The following ATG10 variants were observed in gnomAD, a reference collection of about 807,000 sequenced individuals.
ATG10 encodes ubiquitin-like-conjugating enzyme ATG10.
ATG10 carries 30 observed loss-of-function variants against 32.1 expected under a neutral mutation model. The observed-to-expected ratio is 0.94, with a 90% CI of 0.70 to 1.27. The LOEUF is 1.27. ATG10 is among the 50% of genes most tolerant of loss of function. The probability of loss-of-function intolerance (pLI) is 0.00; values close to 1 mark genes in which losing one functional copy is unlikely to be tolerated. For missense variants in ATG10, 233 were observed against 262.3 expected, an observed-to-expected ratio of 0.89 and a Z score of 0.77; for synonymous variants, 87 against 91.5, an observed-to-expected ratio of 0.95 and a Z score of 0.28.
At chr5:82,086,347 T>G (rs995675097) in intron 3 of ATG10, among the ~76,000 whole-genome samples, 4 of 152,158 alleles carry the variant, frequency 2.6e-5, no homozygotes, top group Non-Finnish European at 4.4e-5. Context: ...AATTTAAAAT[T>G]ACAATAAAAT....
At chr5:81,981,905 A>G (rs1300975098) in intron 1 of ATG10, among the ~76,000 whole-genome samples, 1 of 152,266 alleles carries the variant, frequency 6.6e-6, no homozygotes, top group Non-Finnish European at 1.5e-5. Flanking sequence ...CAGTGTTAGA[A>G]TTCACTAAGG....
chr5:82,049,099 G>A (rs554804829), intron 2 of ATG10, among the ~76,000 whole-genome samples: 50 of 151,472 alleles, frequency 3.3e-4, no homozygotes, highest in African/African-American at 4.6e-4. Context: ...ACATGCACAC[G>A]TATGTTTCTT....
chr5:81,980,757 C>T (rs920837151), intron 1 of ATG10, among the ~76,000 whole-genome samples: 1 of 151,986 alleles, frequency 6.6e-6, no homozygotes, highest in African/African-American at 2.4e-5. Flanking sequence ...CAGTGCACCT[C>T]AGGGCTTTAC....
intron 3 of ATG10, among the ~76,000 whole-genome samples, chr5:82,159,066 T>A (rs1026666091): frequency 7.2e-5 from 11 of 152,178 alleles, no homozygotes; most frequent in African/African-American, 2.7e-4. Flanking sequence ...ATTTCCAGTA[T>A]CACTACCCTT....
At chr5:82,014,216 T>C (rs952902465) in intron 2 of ATG10, among the ~76,000 whole-genome samples, 3 of 152,226 alleles carry the variant, frequency 2.0e-5, no homozygotes, top group African/African-American at 7.2e-5. Flanking sequence ...ATTTGTGTTC[T>C]TTTACATTTG....
At chr5:82,019,609 AG>A (rs1762383147) in intron 2 of ATG10, among the ~76,000 whole-genome samples, 1 of 152,182 alleles carries the variant, frequency 6.6e-6, no homozygotes, top group Non-Finnish European at 1.5e-5. Flanking sequence ...GCAAAGGGGG[AG>A]TGCAGTGTTC....
chr5:82,034,802 A>C (rs1762859473), intron 2 of ATG10, among the ~76,000 whole-genome samples: 1 of 152,174 alleles, frequency 6.6e-6, no homozygotes. Flanking sequence ...ATCTGTGCTC[A>C]AATGGCACCT....
intron 3 of ATG10, among the ~76,000 whole-genome samples, chr5:82,089,916 T>C (rs1182685833): frequency 6.6e-6 from 1 of 151,776 alleles, no homozygotes; most frequent in Non-Finnish European, 1.5e-5. Flanking sequence ...AACAGTCCAA[T>C]AGAAAAATGA....
chr5:82,041,136 T>C (rs142709537), intron 2 of ATG10, among the ~76,000 whole-genome samples: 1 of 152,344 alleles, frequency 6.6e-6, no homozygotes, highest in Admixed American at 6.5e-5. Flanking sequence ...ACTTCAACTT[T>C]ACTTATTATC....
chr5:82,139,301 C>G (rs1200255241), intron 3 of ATG10, among the ~76,000 whole-genome samples: 2 of 150,520 alleles, frequency 1.3e-5, no homozygotes, highest in Non-Finnish European at 3.0e-5. Flanking sequence ...GCCTGGCCGC[C>G]CATTGTCTGG....
chr5:82,167,233 C>T (rs1365164277), intron 4 of ATG10, among the ~76,000 whole-genome samples: 1 of 152,052 alleles, frequency 6.6e-6, no homozygotes, highest in Non-Finnish European at 1.5e-5. Context: ...ACAATTTGTA[C>T]TATAGCAGAA....
At chr5:82,210,913 G>T (rs1161603256) in intron 5 of ATG10, among the ~76,000 whole-genome samples, 1 of 152,160 alleles carries the variant, frequency 6.6e-6, no homozygotes, top group Non-Finnish European at 1.5e-5. Flanking sequence ...AGTTAATATA[G>T]TTTCTATCTT....
chr5:81,991,330 A>G (rs1233671575), intron 2 of ATG10, among the ~76,000 whole-genome samples: 1 of 151,982 alleles, frequency 6.6e-6, no homozygotes, highest in Non-Finnish European at 1.5e-5. Flanking sequence ...TTTTTTTTAA[A>G]TTGTTGTATT....
At chr5:82,041,744 A>G (rs1265746090) in intron 2 of ATG10, among the ~76,000 whole-genome samples, 1 of 152,090 alleles carries the variant, frequency 6.6e-6, no homozygotes, top group Non-Finnish European at 1.5e-5. Context: ...AACTCCAATT[A>G]CATGTTTTTT....
intron 2 of ATG10, among the ~76,000 whole-genome samples, chr5:82,018,623 C>T (rs957726564): frequency 2.0e-5 from 3 of 152,180 alleles, no homozygotes; most frequent in African/African-American, 7.2e-5. Flanking sequence ...CCTTGCTGTT[C>T]TTTAAACACT....
At chr5:82,125,432 T>C (rs1042193445) in intron 3 of ATG10, among the ~76,000 whole-genome samples, 33 of 152,008 alleles carry the variant, frequency 2.2e-4, no homozygotes, top group East Asian at 1.9e-3. Context: ...CTTTAATCCA[T>C]CTTGAGTTAA....
At chr5:82,084,985 T>G (rs1221863910) in intron 3 of ATG10, among the ~76,000 whole-genome samples, 5 of 152,038 alleles carry the variant, frequency 3.3e-5, no homozygotes, top group Non-Finnish European at 7.4e-5. Context: ...AGAACAATAT[T>G]AACCTTAAAT....
chr5:82,158,348 G>GCCC (rs59577564), intron 3 of ATG10, among the ~76,000 whole-genome samples: 2 of 145,980 alleles, frequency 1.4e-5, no homozygotes, highest in African/African-American at 2.6e-5. Flanking sequence ...AAATACAGCT[G>GCCC]CCCCCCCGCC....
At chr5:82,029,063 A>G (rs1762673144) in intron 2 of ATG10, among the ~76,000 whole-genome samples, 1 of 152,216 alleles carries the variant, frequency 6.6e-6, no homozygotes. Flanking sequence ...TGTATTCACA[A>G]TTTATTCATA....
Sources: gnomAD v4.1 joint callset for allele counts (sites outside exome capture counted in the v4.1 genomes callset) on GRCh38, gnomAD v4.1.1 for gene constraint, MANE v1.5 for transcripts, NCBI Gene and HGNC (gene_info 2026-07-23, HGNC 2026-07-21) for gene names.